The following GGT7 variants were observed in gnomAD, a reference collection of about 807,000 sequenced individuals.
The protein encoded by GGT7 is glutathione hydrolase 7.
In GGT7, 30 loss-of-function variants were observed where a neutral mutation model predicts 69.2. The observed-to-expected ratio is 0.43, with a 90% CI of 0.32 to 0.59. The LOEUF (loss-of-function observed/expected upper bound fraction) is 0.59. Ranked by LOEUF, GGT7 falls within the 20% of genes least tolerant of loss-of-function variation. The probability of loss-of-function intolerance (pLI) is 0.05; values close to 1 mark genes in which losing one functional copy is unlikely to be tolerated. For synonymous variants in GGT7, 388 were observed against 391.8 expected (o/e 0.99, Z 0.12); for missense variants, 733 against 901.1 (o/e 0.81, Z 2.39).
chr20:34,854,384 G>A, intron 10 of GGT7, 147 bp downstream of exon 10: 1 of 607,962 alleles, frequency 1.6e-6, no homozygotes, highest in African/African-American at 1.8e-5. Context: ...GCAGGGAGAG[G>A]CACCCAGTGT....
At chr20:34,846,772 T>C (rs1343307535) in intron 14 of GGT7, among the ~76,000 whole-genome samples, 3 of 152,202 alleles carry the variant, frequency 2.0e-5, no homozygotes, top group South Asian at 2.1e-4. Flanking sequence ...CCAACATTGC[T>C]TGGGACCTTG....
intron 13 of GGT7, chr20:34,850,853 C>T (rs760413862): frequency 3.6e-6 from 2 of 556,014 alleles, no homozygotes; most frequent in Non-Finnish European, 7.0e-6. Context: ...CTGAGGTGTT[C>T]TGGAGAAAAG....
rs1458041950 is a variant in GGT7 at position 34,863,595 on chromosome 20, C to T, written c.170-47G>A. On this transcript the variant is annotated intron_variant, in intron 1 of 14. Transcript: ENST00000336431. The surrounding 1 kb of genome is among the most constrained non-coding windows in gnomAD (Gnocchi z 4.4). Reference sequence around the variant, plus strand: ...CGGTCTGGGCATCTCCTATCTGGCCCTGCCCACCCTCCAGGTGGGACTATT... The same window carrying T: ...CGGTCTGGGCATCTCCTATCTGGCCTTGCCCACCCTCCAGGTGGGACTATT... 10 of 1,272,506 alleles carry T rather than the reference C, an allele frequency of 7.9e-6. No individual in the cohort carries two copies. Among genetic ancestry groups the T allele is most frequent in the Non-Finnish European group, 1.0e-5 (9 of 894,070 alleles). The allele number at this position is 1,272,506 out of a possible 1,614,324, so 78.8% of individuals were successfully genotyped here. A position where few individuals can be genotyped will look rare whatever the true frequency, so the allele number is the denominator to read the frequency against.
intron 7 of GGT7, among the ~76,000 whole-genome samples, chr20:34,858,465 A>G (rs1260914547): frequency 1.3e-5 from 2 of 152,238 alleles, no homozygotes; most frequent in Non-Finnish European, 2.9e-5. Context: ...TGAATGTTGA[A>G]TGAATAACAG....
chr20:34,861,170 T>A (rs563891263), intron 4 of GGT7, among the ~76,000 whole-genome samples: 1 of 152,202 alleles, frequency 6.6e-6, no homozygotes, highest in South Asian at 2.1e-4. Context: ...GTGAGTTTCA[T>A]TGCATCAACT....
chr20:34,846,765 A>G (rs2079312233), intron 14 of GGT7, among the ~76,000 whole-genome samples: 1 of 152,234 alleles, frequency 6.6e-6, no homozygotes. Context: ...TCTAAGCCCA[A>G]CATTGCTTGG....
Position 34,856,900 on chromosome 20 carries a change from G to A in GGT7, c.1015-7C>T, listed in dbSNP as rs1372934453. ...CACCCCCTGCGTGCTGAGCCTGGAG[G>A]GAAGAGAATGAGGGAATGACCTCCC... On this transcript the variant is annotated splice_polypyrimidine_tract_variant and splice_region_variant and intron_variant, in intron 7 of 14. Coordinates refer to ENST00000336431, the MANE Select transcript of GGT7 (RefSeq NM_178026.3). The A allele has an allele frequency of 2.5e-6, 4 of 1,577,696 alleles. No homozygotes were observed. The highest frequency in any genetic ancestry group is 3.5e-6 in the Non-Finnish European group (4 of 1,147,372).
chr20:34,859,865 G>T, intron 6 of GGT7, 104 bp downstream of exon 6: 3 of 917,788 alleles, frequency 3.3e-6, no homozygotes, highest in Non-Finnish European at 5.2e-6. Flanking sequence ...GGTCTGAGGA[G>T]CAAACTGGAA....
At chr20:34,860,084 G>A in intron 5 of GGT7, 42 bp from the exon 6 acceptor site, 1 of 532,748 alleles carries the variant, frequency 1.9e-6, no homozygotes, top group Non-Finnish European at 3.5e-6. Flanking sequence ...GGTCCTGGGG[G>A]AATGAGGAGG....
intron 14 of GGT7, among the ~76,000 whole-genome samples, chr20:34,849,484 C>T (rs1396550073): frequency 1.3e-5 from 2 of 152,092 alleles, no homozygotes; most frequent in Non-Finnish European, 2.9e-5. Flanking sequence ...CTCTTTAGAT[C>T]TCAGCTTAAA....
In GGT7 at chr20:34,845,452, C is replaced by G; in HGVS notation, c.1865G>C (p.Arg622Thr). 1 of 1,614,098 alleles carries G rather than the reference C, an allele frequency of 6.2e-7. No individual in the cohort carries two copies. The highest frequency in any genetic ancestry group is 8.5e-7 in the Non-Finnish European group (1 of 1,179,978). The part of the protein sequence containing the change: ...TEEEIEFLEA[R>T]GHHVEKVDVL... The stretch of plus-strand genomic sequence containing the variant: ...ATCTACTTTCTCCACGTGGTGACCC[C>G]TGGCTTCCAGGAACTCAATCTCTTC... The change falls in exon 15 of 15, where the codon AGG (arginine) becomes ACG (threonine). Residue 622 changes from arginine to threonine, a missense_variant. By Grantham distance (71) the Arg-to-Thr change is moderately conservative (BLOSUM62 -1). Coordinates refer to ENST00000336431, the MANE Select transcript of GGT7 (RefSeq NM_178026.3).
chr20:34,844,990 G>T lies in GGT7; in HGVS notation c.*338C>A. ...GTTGGGGTTGTGAGACCCTTGAGAA[G>T]GGTTTGCAAGCACATCCCTAAGCTC... On this transcript the variant is annotated 3_prime_UTR_variant, in exon 15 of 15. Coordinates refer to ENST00000336431, the MANE Select transcript of GGT7 (RefSeq NM_178026.3). The T allele has an allele frequency of 3.4e-6, 1 of 292,244 alleles. No individual in the cohort carries two copies. The highest frequency in any genetic ancestry group is 5.7e-5 in the South Asian group (1 of 17,540). 18.1% of individuals were successfully genotyped at this position (292,244 alleles called of 1,614,324 possible). A position where few individuals can be genotyped will look rare whatever the true frequency, so the allele number is the denominator to read the frequency against.
chr20:34,854,735 ACCCAATCTC>A (rs2079461631), intron 9 of GGT7, 52 bp downstream of exon 9: 2 of 1,606,908 alleles, frequency 1.2e-6, no homozygotes, highest in Admixed American at 1.7e-5. Context: ...CTATGGCAGT[ACCCAATCTC>A]CCCACTCCTA....
chr20:34,858,862 A>G (rs2146909187), intron 7 of GGT7, among the ~76,000 whole-genome samples: 1 of 152,186 alleles, frequency 6.6e-6, no homozygotes, highest in Admixed American at 6.5e-5. Context: ...GCCCAAAGGT[A>G]CCTCTGAATC....
intron 14 of GGT7, 59 bp from the exon 15 acceptor site, chr20:34,845,550 C>T: frequency 2.0e-6 from 3 of 1,468,536 alleles, no homozygotes; most frequent in Non-Finnish European, 2.8e-6. Context: ...GTTCAAGAGT[C>T]CTACAGTCAG....
At chr20:34,846,910 C>T (rs2079313665) in intron 14 of GGT7, among the ~76,000 whole-genome samples, 2 of 152,166 alleles carry the variant, frequency 1.3e-5, no homozygotes, top group Admixed American at 1.3e-4. Flanking sequence ...TGCCTTTGCA[C>T]TTACTGTTCT....
chr20:34,858,244 A>C (rs1306557037), intron 7 of GGT7, among the ~76,000 whole-genome samples: 1 of 152,218 alleles, frequency 6.6e-6, no homozygotes, highest in Non-Finnish European at 1.5e-5. Flanking sequence ...AGCAGGTGGA[A>C]AGGATCTGAG....
intron 1 of GGT7, among the ~76,000 whole-genome samples, chr20:34,869,493 C>T (rs1022289252): frequency 1.3e-5 from 2 of 152,060 alleles, no homozygotes; most frequent in African/African-American, 2.4e-5. Context: ...GATGTCTGAA[C>T]CAGGGAGTGA....
chr20:34,849,984 T>C lies in GGT7; in HGVS notation c.1802A>G (p.Gln601Arg), dbSNP rs1053536303. The C allele has an allele frequency of 8.1e-6, 13 of 1,612,454 alleles. No homozygotes were observed. The highest frequency in any genetic ancestry group is 1.0e-5 in the Non-Finnish European group (12 of 1,178,718). Residue 601 changes from glutamine (Q) to arginine (R), a missense_variant, in exon 14 of 15, where the codon CAG becomes CGG. By Grantham distance (43) the Gln-to-Arg change is conservative. Transcript: ENST00000336431. ...ACTGTCCACCTGCAGGAGGTTGGAC[T>C]GCAGGTCCGGGTGTAGGCGGCCGCG... ...LARGRLHPDL[Q>R]SNLLQVDSEF...
Sources: gnomAD v4.1 joint callset for allele counts (sites outside exome capture counted in the v4.1 genomes callset) on GRCh38, gnomAD v4.1.1 for gene constraint, Gnocchi (gnomAD v3.1) non-coding constraint, MANE v1.5 for transcripts, NCBI Gene and HGNC (gene_info 2026-07-23, HGNC 2026-07-21) for gene names.